TMEM131: variants seen among roughly 807,000 people sequenced by gnomAD.
The protein encoded by TMEM131 is transmembrane protein 131.
TMEM131 carries 66 observed loss-of-function variants against 211.6 expected under a neutral mutation model. The observed-to-expected ratio is 0.31, with a 90% CI of 0.26 to 0.38. The LOEUF (loss-of-function observed/expected upper bound fraction) is 0.38, where lower values mean the gene tolerates loss of function less well. TMEM131 is among the 10% of genes least tolerant of loss of function. The pLI is 1.00. For synonymous variants in TMEM131, 844 were observed against 841.3 expected, an observed-to-expected ratio of 1.00 and a Z score of -0.06; for missense variants, 2,036 against 2,299.3, an observed-to-expected ratio of 0.89 and a Z score of 2.34.
Position 97,796,295 on chromosome 2 carries a change from A to G in TMEM131, c.3123T>C (p.Cys1041=). Residue 1041 remains cysteine (C), a synonymous_variant, in exon 28 of 41, where the codon TGT becomes TGC. Coordinates refer to ENST00000186436, the MANE Select transcript of TMEM131 (RefSeq NM_015348.2). ...TAACAACTTTAAAGCCATATCCTTCACATGAGTATCCACTGATTTCAATGG... is the reference window on the plus strand; with the variant it reads ...TAACAACTTTAAAGCCATATCCTTCGCATGAGTATCCACTGATTTCAATGG... ...IETIEISGYS[C]EGYGFKVVNC... is the part of the protein sequence containing the mutation. 1 of 1,570,898 alleles carries G rather than the reference A, an allele frequency of 6.4e-7. No individual in the cohort carries two copies. Among genetic ancestry groups the G allele is most frequent in the East Asian group, 2.3e-5 (1 of 43,534 alleles).
intron 11 of TMEM131, among the ~76,000 whole-genome samples, chr2:97,832,037 CT>C (rs1682725087): frequency 1.5e-5 from 2 of 130,396 alleles, no homozygotes; most frequent in African/African-American, 5.6e-5. Context: ...GCAGCTCTAA[CT>C]CAGCTTTCCT....
intron 1 of TMEM131, among the ~76,000 whole-genome samples, chr2:97,966,883 C>T (rs775463705): frequency 1.3e-5 from 2 of 152,150 alleles, no homozygotes; most frequent in Non-Finnish European, 2.9e-5. Context: ...ACTCTCTACA[C>T]CACTGAGAAA....
chr2:97,873,318 A>G (rs988818459), intron 4 of TMEM131, among the ~76,000 whole-genome samples: 1 of 152,240 alleles, frequency 6.6e-6, no homozygotes, highest in East Asian at 1.9e-4. Flanking sequence ...GCTGTGGCCG[A>G]AGCTTCAGCA....
chr2:97,954,641 C>T (rs886878165), intron 1 of TMEM131, among the ~76,000 whole-genome samples: 2 of 151,904 alleles, frequency 1.3e-5, no homozygotes, highest in African/African-American at 4.8e-5. Context: ...CCCATCTCTA[C>T]TAAAAATACA....
chr2:97,873,729 T>A (rs1363817729), intron 4 of TMEM131, among the ~76,000 whole-genome samples: 1 of 151,974 alleles, frequency 6.6e-6, no homozygotes, highest in Non-Finnish European at 1.5e-5. Context: ...GTCACCAACA[T>A]CAAAGACCAA....
chr2:97,795,191 T>TA, intron 28 of TMEM131, 76 bp from the exon 29 acceptor site: 1 of 1,051,894 alleles, frequency 9.5e-7, no homozygotes, highest in South Asian at 1.7e-5. Flanking sequence ...ACTGGTCCTA[T>TA]AAGCCTTTGA....
At chr2:97,842,627 A>G (rs1683250942) in intron 6 of TMEM131, among the ~76,000 whole-genome samples, 4 of 152,118 alleles carry the variant, frequency 2.6e-5, no homozygotes, top group African/African-American at 9.7e-5. Context: ...GGAAGACAGC[A>G]GTGGTAGTGA....
chr2:97,775,764 C>A, intron 32 of TMEM131, 79 bp downstream of exon 32: 2 of 1,456,084 alleles, frequency 1.4e-6, no homozygotes, highest in Admixed American at 2.4e-5. Flanking sequence ...AAACCAGAAT[C>A]TATGAGATGG....
chr2:97,762,599 C>T, intron 35 of TMEM131: 1 of 188,126 alleles, frequency 5.3e-6, no homozygotes, highest in Non-Finnish European at 1.1e-5. Context: ...GGCTGAATCC[C>T]CAAGTTCAGT....
intron 8 of TMEM131, 128 bp downstream of exon 8, chr2:97,836,943 AATTAAC>A (rs1478788879): frequency 9.7e-6 from 7 of 720,654 alleles, no homozygotes; most frequent in South Asian, 7.2e-5. Flanking sequence ...ACTTGACATA[AATTAAC>A]ATTAAGACAA....
intron 31 of TMEM131, among the ~76,000 whole-genome samples, chr2:97,777,691 A>G (rs188513610): frequency 6.6e-6 from 1 of 152,308 alleles, no homozygotes; most frequent in East Asian, 1.9e-4. Context: ...CTGAAACCAT[A>G]ACTTGGATAG....
chr2:97,921,003 G>C (rs1483027249), intron 2 of TMEM131, among the ~76,000 whole-genome samples: 3 of 143,834 alleles, frequency 2.1e-5, no homozygotes, highest in Non-Finnish European at 4.7e-5. Context: ...GTGTGTGTGT[G>C]TGTAAAGCTA....
chr2:97,819,823 T>C (rs1682024023), intron 11 of TMEM131, among the ~76,000 whole-genome samples: 1 of 152,202 alleles, frequency 6.6e-6, no homozygotes, highest in Admixed American at 6.5e-5. Context: ...ATCCAGCAAG[T>C]CACTATGTTC....
At chr2:97,936,138 G>A (rs922323979) in intron 1 of TMEM131, among the ~76,000 whole-genome samples, 1 of 152,162 alleles carries the variant, frequency 6.6e-6, no homozygotes, top group African/African-American at 2.4e-5. Context: ...CTCGACCCTG[G>A]TAACAGTTGT....
At chr2:97,785,358 G>A (rs1302474155) in intron 31 of TMEM131, among the ~76,000 whole-genome samples, 1 of 152,110 alleles carries the variant, frequency 6.6e-6, no homozygotes, top group Non-Finnish European at 1.5e-5. Flanking sequence ...ATGGGCAAAA[G>A]ACATGAAGAA....
In TMEM131 at chr2:97,872,966, T is replaced by C. The variant is rs555974553; in HGVS notation, c.360-13539A>G. Among the ~76,000 whole-genome samples, 5 of 152,262 alleles carry C rather than the reference T, an allele frequency of 3.3e-5. No homozygotes were observed. In the East Asian group the frequency reaches 7.7e-4, roughly 24 times the overall value. ...CCTGGCTCAGTGGGTCCCACCCCCA[T>C]GGAGCCCAGCAAACTAAGATTCACT... On this transcript the variant is annotated intron_variant, in intron 4 of 40. Coordinates refer to ENST00000186436, the MANE Select transcript of TMEM131 (RefSeq NM_015348.2).
At chr2:97,772,224 A>G (rs551109742) in intron 33 of TMEM131, 73 bp downstream of exon 33, 1 of 1,562,840 alleles carries the variant, frequency 6.4e-7, no homozygotes, top group East Asian at 2.3e-5. Flanking sequence ...AAATGGCCAA[A>G]TCAAAACAGC....
At chr2:97,896,378 T>C (rs7591374) in intron 3 of TMEM131, among the ~76,000 whole-genome samples, 62,979 of 151,930 alleles carry the variant, frequency 0.41, 14,799 homozygotes, top group African/African-American at 0.61. Flanking sequence ...CTATTAGGTT[T>C]GCTTGGTCCA....
At chr2:97,945,278 T>G (rs1677979123) in intron 1 of TMEM131, among the ~76,000 whole-genome samples, 1 of 152,162 alleles carries the variant, frequency 6.6e-6, no homozygotes, top group South Asian at 2.1e-4. Flanking sequence ...AGAACCTAGA[T>G]TAGCAGTTGT....
Sources: gnomAD v4.1 joint callset for allele counts (sites outside exome capture counted in the v4.1 genomes callset) on GRCh38, gnomAD v4.1.1 for gene constraint, MANE v1.5 for transcripts, NCBI Gene and HGNC (gene_info 2026-07-23, HGNC 2026-07-21) for gene names.